FBN1: variants seen among roughly 807,000 people sequenced by gnomAD.
FBN1 encodes fibrillin 1, also known as fibrillin-1.
Under a neutral mutation model 365.1 loss-of-function variants are expected in FBN1, and 29 were observed. The observed-to-expected ratio is 0.08, with a 90% CI of 0.06 to 0.11. FBN1 has a LOEUF of 0.11. FBN1 is among the 10% of genes least tolerant of loss of function. FBN1 has a pLI of 1.00. For missense variants in FBN1, 2,476 were observed against 3,703.2 expected, an observed-to-expected ratio of 0.67 and a Z score of 8.60; for synonymous variants, 1,210 against 1,270.5, an observed-to-expected ratio of 0.95 and a Z score of 1.01.
intron 13 of FBN1, among the ~76,000 whole-genome samples, chr15:48,512,765 TG>T (rs1190634523): frequency 1.3e-4 from 19 of 151,648 alleles, no homozygotes; most frequent in Non-Finnish European, 2.6e-4. Flanking sequence ...AGTATTTGCC[TG>T]TTTTTTTTTT....
intron 44 of FBN1, among the ~76,000 whole-genome samples, chr15:48,455,771 C>G (rs1186947949): frequency 6.6e-6 from 1 of 152,198 alleles, no homozygotes; most frequent in Admixed American, 6.5e-5. Flanking sequence ...AGGAACTTAA[C>G]AAGTATGTGG....
At chr15:48,617,409 G>A (rs1402204041) in intron 2 of FBN1, among the ~76,000 whole-genome samples, 2 of 151,798 alleles carry the variant, frequency 1.3e-5, no homozygotes, top group Non-Finnish European at 1.5e-5. Flanking sequence ...TCCTGACCTC[G>A]TGATCCGCCC....
chr15:48,426,249 C>A (rs1397997622), intron 58 of FBN1, among the ~76,000 whole-genome samples: 1 of 152,162 alleles, frequency 6.6e-6, no homozygotes. Flanking sequence ...GAAGCAGATC[C>A]TTTTGATGAG....
chr15:48,630,730 T>TC (rs1889969872), intron 2 of FBN1, among the ~76,000 whole-genome samples: 1 of 23,810 alleles, frequency 4.2e-5, no homozygotes, highest in South Asian at 2.2e-3. Flanking sequence ...AGACTCCATC[T>TC]CAAAAAAAAA....
intron 4 of FBN1, among the ~76,000 whole-genome samples, chr15:48,600,573 G>A (rs1406870934): frequency 2.0e-5 from 3 of 152,112 alleles, no homozygotes; most frequent in African/African-American, 4.8e-5. Flanking sequence ...GCGTAATGGC[G>A]CATGCCTGTA....
At chr15:48,639,240 G>A (rs1348370212) in intron 2 of FBN1, among the ~76,000 whole-genome samples, 3 of 152,102 alleles carry the variant, frequency 2.0e-5, no homozygotes, top group South Asian at 2.1e-4. Context: ...TGCATACCTC[G>A]GCTCTCACAT....
chr15:48,492,147 G>A (rs1469047066), intron 24 of FBN1, among the ~76,000 whole-genome samples: 3 of 152,168 alleles, frequency 2.0e-5, no homozygotes, highest in Non-Finnish European at 4.4e-5. Context: ...TTCCAAATAT[G>A]TGCAAATATT....
In FBN1 at chr15:48,606,380, A is replaced by G. The variant is rs73394285; in HGVS notation, c.346+4348T>C. ...GGCCAAACAAACTTGTGGTACATCC[A>G]TAGCATGTACTACTACTCAGCAATA... is the stretch of plus-strand genomic sequence containing the variant. On this transcript the variant is annotated intron_variant, in intron 4 of 65. Transcript: ENST00000316623. Among the ~76,000 whole-genome samples, 1,156 of 152,340 alleles carry G rather than the reference A, an allele frequency of 7.6e-3. 14 individuals carry two copies. Among genetic ancestry groups the G allele is most frequent in the African/African-American group, 0.027 (1,111 of 41,572 alleles).
intron 60 of FBN1, among the ~76,000 whole-genome samples, chr15:48,424,281 A>G (rs1161278984): frequency 6.6e-6 from 1 of 152,232 alleles, no homozygotes; most frequent in Non-Finnish European, 1.5e-5. Context: ...GGCCTCAGGC[A>G]CTTGCCCATG....
chr15:48,466,043 T>C (rs538013785), intron 38 of FBN1, among the ~76,000 whole-genome samples, 185 bp from the exon 39 acceptor site: 5 of 152,336 alleles, frequency 3.3e-5, no homozygotes, highest in African/African-American at 1.2e-4. Flanking sequence ...GTGGTTTTTA[T>C]TATGTGTCCC....
intron 45 of FBN1, among the ~76,000 whole-genome samples, chr15:48,449,277 T>G (rs535894713): frequency 6.6e-6 from 1 of 152,362 alleles, no homozygotes; most frequent in South Asian, 2.1e-4. Flanking sequence ...TCATGGATAG[T>G]TCATGGCTTC....
intron 7 of FBN1, among the ~76,000 whole-genome samples, chr15:48,535,919 G>GCTGT (rs2141355821): frequency 6.6e-6 from 1 of 152,244 alleles, no homozygotes; most frequent in East Asian, 1.9e-4. Flanking sequence ...GGCAGAACTA[G>GCTGT]CTGTCTTGTT....
chr15:48,432,736 A>AC, intron 55 of FBN1, 130 bp downstream of exon 55: 1 of 1,211,260 alleles, frequency 8.3e-7, no homozygotes. Context: ...GGCAGTGACA[A>AC]CCCCCGTATT....
intron 63 of FBN1, among the ~76,000 whole-genome samples, chr15:48,420,155 G>T (rs953387552): frequency 6.6e-6 from 1 of 152,072 alleles, no homozygotes; most frequent in Non-Finnish European, 1.5e-5. Flanking sequence ...AGAGTCAGTA[G>T]ATCTCCCTTA....
At chr15:48,454,483 T>C (rs958965300) in intron 44 of FBN1, among the ~76,000 whole-genome samples, 1 of 152,194 alleles carries the variant, frequency 6.6e-6, no homozygotes, top group Non-Finnish European at 1.5e-5. Context: ...AAAAAACAGA[T>C]ACTAATATAG....
intron 24 of FBN1, 88 bp from the exon 25 acceptor site, chr15:48,490,166 A>C: frequency 9.1e-7 from 1 of 1,095,652 alleles, no homozygotes; most frequent in Non-Finnish European, 1.4e-6. Flanking sequence ...AAAATACTGC[A>C]CACATAATAA....
chr15:48,458,465 T>G (rs1356285555), intron 43 of FBN1, among the ~76,000 whole-genome samples: 2 of 152,214 alleles, frequency 1.3e-5, no homozygotes, highest in Non-Finnish European at 2.9e-5. Context: ...TTGTCATTCA[T>G]GTCATGAAAA....
At position 48,505,034 on chromosome 15, in the gene FBN1, C is replaced by G; in HGVS notation, c.1951G>C (p.Val651Leu). 6.2e-7 allele frequency: 1 copy of G among 1,614,158 alleles called. No individual in the cohort carries two copies. The highest frequency in any genetic ancestry group is 8.5e-7 in the Non-Finnish European group (1 of 1,180,030). Residue 651 changes from valine to leucine, a missense_variant, in exon 16 of 66, where the codon GTG becomes CTG. Transcript: ENST00000316623. ...PGLAVGLDGR[V>L]CVDTHMRSTC... is the part of the protein sequence containing the mutation. ...CATGATGTTTTCTTACCAACACACA[C>G]ACGGCCATCCAGACCCACAGCCAGT...
intron 42 of FBN1, among the ~76,000 whole-genome samples, chr15:48,460,564 C>T (rs935803006): frequency 2.0e-5 from 3 of 152,182 alleles, no homozygotes; most frequent in African/African-American, 7.2e-5. Context: ...AGATCACATG[C>T]CACTCATTCA....
Sources: gnomAD v4.1 joint callset for allele counts (sites outside exome capture counted in the v4.1 genomes callset) on GRCh38, gnomAD v4.1.1 for gene constraint, MANE v1.5 for transcripts, NCBI Gene and HGNC (gene_info 2026-07-23, HGNC 2026-07-21) for gene names.